Variants in VPS13B observed in about 807,000 individuals in gnomAD.
VPS13B encodes the protein intermembrane lipid transfer protein VPS13B.
Under a neutral mutation model 426.4 loss-of-function variants are expected in VPS13B, and 285 were observed. The ratio of observed to expected loss-of-function variants is 0.67; its 90% CI spans 0.61 to 0.74. VPS13B has a LOEUF of 0.74. Ranked by LOEUF, VPS13B falls within the 30% of genes least tolerant of loss-of-function variation. The pLI is 0.00. For missense variants in VPS13B, 4,537 were observed against 4,782.6 expected, an observed-to-expected ratio of 0.95 and a Z score of 1.51; for synonymous variants, 1,676 against 1,676.4, an observed-to-expected ratio of 1.00 and a Z score of 0.01.
chr8:99,873,386 A>G (rs1335921792), intron 61 of VPS13B: 2 of 152,182 alleles, frequency 1.3e-5, no homozygotes, highest in Non-Finnish European at 2.9e-5. Flanking sequence ...GGATTGTGGA[A>G]TCAGAGAAGC....
chr8:99,731,415 G>C (rs1449074518), intron 39 of VPS13B, among the ~76,000 whole-genome samples: 1 of 152,192 alleles, frequency 6.6e-6, no homozygotes, highest in African/African-American at 2.4e-5. Flanking sequence ...AGCAAGTTAA[G>C]GGAGTAAAAC....
intron 20 of VPS13B, 93 bp from the exon 21 acceptor site, chr8:99,391,464 G>A: frequency 6.3e-7 from 1 of 1,591,168 alleles, no homozygotes; most frequent in Non-Finnish European, 8.6e-7. Flanking sequence ...ACTTGTGAAG[G>A]ACTGTCCTCA....
intron 31 of VPS13B, among the ~76,000 whole-genome samples, chr8:99,572,249 C>G (rs1825514420): frequency 6.6e-6 from 1 of 152,138 alleles, no homozygotes; most frequent in African/African-American, 2.4e-5. Flanking sequence ...CCAGCACAAA[C>G]TTTGCTTTCT....
At chr8:99,288,766 A>G (rs1057366394) in intron 19 of VPS13B, among the ~76,000 whole-genome samples, 9 of 152,112 alleles carry the variant, frequency 5.9e-5, no homozygotes, top group African/African-American at 2.2e-4. Context: ...ATCATTAGTC[A>G]ACTATCAGGT....
intron 33 of VPS13B, among the ~76,000 whole-genome samples, chr8:99,614,945 C>G (rs1389762505): frequency 1.3e-5 from 2 of 151,626 alleles, no homozygotes; most frequent in Admixed American, 1.3e-4. Context: ...TGGAGAAACC[C>G]CGTCTCTACT....
In VPS13B at chr8:99,296,944, A is replaced by G. The variant is rs1182456782; in HGVS notation, c.2824+21690A>G. ...ATTACACAGTCTTGAGTATTTTGTC[A>G]TAGCAGCACAAATGAACTAGAAGAG... On this transcript the variant is annotated intron_variant, in intron 19 of 61. Transcript: ENST00000357162. 2.6e-5 allele frequency among the ~76,000 whole-genome samples: 4 copies of G among 152,264 alleles called. No homozygotes were observed. The East Asian group carries it at 5.8e-4, about 22-fold the overall frequency.
chr8:99,217,434 T>G lies in VPS13B; in HGVS notation c.2515+24377T>G, dbSNP rs73699975. Reference sequence around the variant, plus strand: ...AGAATGTGATTTAGAGAATTAAATGTGATTCAGAGATAATTTACTTTCAGA... The same window carrying G: ...AGAATGTGATTTAGAGAATTAAATGGGATTCAGAGATAATTTACTTTCAGA... On this transcript the variant is annotated intron_variant, in intron 17 of 61. Transcript: ENST00000357162. Among the ~76,000 whole-genome samples, 621 of 152,322 alleles carry G rather than the reference T, an allele frequency of 4.1e-3. 4 individuals are homozygous for G. Among genetic ancestry groups the G allele is most frequent in the African/African-American group, 0.014 (577 of 41,574 alleles).
chr8:99,368,208 C>G (rs1812993804), intron 19 of VPS13B, among the ~76,000 whole-genome samples: 1 of 152,170 alleles, frequency 6.6e-6, no homozygotes, highest in Admixed American at 6.5e-5. Flanking sequence ...TTTTTGTATC[C>G]TGATTCTGTC....
At chr8:99,181,053 C>A (rs1414401970) in intron 16 of VPS13B, among the ~76,000 whole-genome samples, 1 of 152,138 alleles carries the variant, frequency 6.6e-6, no homozygotes, top group East Asian at 1.9e-4. Flanking sequence ...TCAGCATGTC[C>A]ATTTTTAGGA....
intron 17 of VPS13B, among the ~76,000 whole-genome samples, chr8:99,253,226 C>T (rs1056338322): frequency 1.3e-5 from 2 of 151,914 alleles, no homozygotes; most frequent in Admixed American, 1.3e-4. Flanking sequence ...CATTTTGTTT[C>T]TCCATTCATT....
chr8:99,344,379 A>G (rs1000268734), intron 19 of VPS13B, among the ~76,000 whole-genome samples: 11 of 152,336 alleles, frequency 7.2e-5, no homozygotes, highest in African/African-American at 2.4e-4. Flanking sequence ...AAGCTCCTCA[A>G]TATTAGTCTA....
At chr8:99,869,063 C>G (rs1272558663) in intron 59 of VPS13B, among the ~76,000 whole-genome samples, 1 of 152,246 alleles carries the variant, frequency 6.6e-6, no homozygotes, top group African/African-American at 2.4e-5. Flanking sequence ...CGCATGCACA[C>G]ACGAGTAATG....
intron 16 of VPS13B, among the ~76,000 whole-genome samples, chr8:99,179,404 C>T (rs1812822124): frequency 6.6e-6 from 1 of 152,040 alleles, no homozygotes; most frequent in South Asian, 2.1e-4. Flanking sequence ...ATGGTCTGGC[C>T]CCTGCTTGGC....
At chr8:99,803,110 T>G (rs1813211002) in intron 43 of VPS13B, among the ~76,000 whole-genome samples, 1 of 152,230 alleles carries the variant, frequency 6.6e-6, no homozygotes, top group Non-Finnish European at 1.5e-5. Flanking sequence ...ATACATTCTT[T>G]ACACACATCT....
At chr8:99,214,274 G>T (rs1232392005) in intron 17 of VPS13B, among the ~76,000 whole-genome samples, 1 of 152,154 alleles carries the variant, frequency 6.6e-6, no homozygotes, top group Non-Finnish European at 1.5e-5. Context: ...GGGTTGAGTA[G>T]TTGCCACAAA....
rs1811257572 is a variant in VPS13B at position 99,766,956 on chromosome 8, A to T, written c.7233A>T (p.Gly2411=). ...WRIVLNSSQN[G]ADDQSSASES... is the part of the protein sequence containing the mutation. ...TTGTCTTGAACAGCAGTCAAAATGG[A>T]GCTGATGACCAAAGGTAATTCATTG... Residue 2411 remains glycine (G), a synonymous_variant, in exon 40 of 62, where the codon GGA becomes GGT. Transcript: ENST00000357162. 1 of 1,613,740 alleles carries T rather than the reference A, an allele frequency of 6.2e-7. No homozygotes were observed. The highest frequency in any genetic ancestry group is 1.1e-5 in the South Asian group (1 of 91,074).
chr8:99,351,435 A>AGTGTGTGTGT (rs1024531389), intron 19 of VPS13B, among the ~76,000 whole-genome samples: 42 of 145,750 alleles, frequency 2.9e-4, no homozygotes, highest in African/African-American at 9.0e-4. Flanking sequence ...AGAGAGAGAG[A>AGTGTGTGTGT]GTGTGTGTGT....
chr8:99,428,469 C>T (rs529320845), intron 21 of VPS13B, among the ~76,000 whole-genome samples: 10 of 152,214 alleles, frequency 6.6e-5, no homozygotes, highest in East Asian at 1.9e-4. Flanking sequence ...AAAAAGTGGG[C>T]GAAGGATATG....
At chr8:99,461,748 C>T (rs1342651750) in intron 23 of VPS13B, among the ~76,000 whole-genome samples, 3 of 152,120 alleles carry the variant, frequency 2.0e-5, no homozygotes. Flanking sequence ...TACACTTTTT[C>T]AGAAAGGCCT....
Sources: allele counts gnomAD v4.1 joint callset (sites outside exome capture counted in the v4.1 genomes callset), GRCh38; gene constraint gnomAD v4.1.1; transcripts MANE v1.5; gene names NCBI Gene and HGNC (gene_info 2026-07-23, HGNC 2026-07-21).